The following NDUFA10 variants were observed in gnomAD, a reference collection of about 807,000 sequenced individuals.
NDUFA10 encodes NADH:ubiquinone oxidoreductase subunit A10.
A neutral mutation model predicts 47.8 loss-of-function variants in NDUFA10; 40 were observed. The ratio of observed to expected loss-of-function variants is 0.84; its 90% confidence interval spans 0.65 to 1.09. The LOEUF is 1.09. Ranked by LOEUF, NDUFA10 falls within the 50% of genes least tolerant of loss-of-function variation. The pLI is 0.00. For synonymous variants in NDUFA10, 183 were observed against 172.2 expected (o/e 1.06, Z -0.49); for missense variants, 413 against 451.1 (o/e 0.92, Z 0.76).
intron 5 of NDUFA10, chr2:240,011,924 T>G (rs147906196): frequency 2.7e-4 from 151 of 563,862 alleles, no homozygotes; most frequent in African/African-American, 2.6e-3. Context: ...ATAGCGTGAC[T>G]TTCTCCACAC....
At chr2:239,940,860 A>G (rs1189880811) in intron 4 of NDUFA10, among the ~76,000 whole-genome samples, 2 of 152,262 alleles carry the variant, frequency 1.3e-5, no homozygotes, top group Admixed American at 6.5e-5. Context: ...TTGTACTGCT[A>G]TCAGTGACCT....
rs149226279 is a variant in NDUFA10, at chr2:239,965,662, T to C, written c.1000-4476A>G. ...GATGCAAAGGGCATGCGGTGAACTA[T>C]CTCAGGTGAACTATCAAGGCCGTAC... is the stretch of plus-strand genomic sequence containing the variant. On this transcript the variant is annotated intron_variant, in intron 9 of 9. Transcript: ENST00000252711. Among the ~76,000 whole-genome samples the C allele has an allele frequency of 2.7e-3, 412 of 152,276 alleles. 1 individual carries two copies. The highest frequency in any genetic ancestry group is 4.9e-3 in the Non-Finnish European group (336 of 68,024).
chr2:239,943,282 G>A (rs74833011), intron 4 of NDUFA10, among the ~76,000 whole-genome samples: 5,396 of 152,346 alleles, frequency 0.035, 144 homozygotes, highest in African/African-American at 0.07. Context: ...ACACGAATCT[G>A]CCTTCTGCTC....
At chr2:240,006,759 A>G (rs147224965) in intron 7 of NDUFA10, among the ~76,000 whole-genome samples, 3 of 152,342 alleles carry the variant, frequency 2.0e-5, no homozygotes, top group South Asian at 2.1e-4. Context: ...AGGTGCATAC[A>G]TGTTTCTGGA....
chr2:239,946,353 T>G (rs1694452544), intron 4 of NDUFA10, among the ~76,000 whole-genome samples: 1 of 151,278 alleles, frequency 6.6e-6, no homozygotes, highest in Non-Finnish European at 1.5e-5. Flanking sequence ...GGGTAGTGTG[T>G]TACTAGGGGA....
chr2:239,997,575 T>C (rs964169334), intron 8 of NDUFA10, among the ~76,000 whole-genome samples: 1 of 152,222 alleles, frequency 6.6e-6, no homozygotes, highest in Non-Finnish European at 1.5e-5. Flanking sequence ...TAAAATGCGT[T>C]CATATACTCT....
intron 4 of NDUFA10, among the ~76,000 whole-genome samples, chr2:239,905,068 T>C (rs1693622369): frequency 2.0e-5 from 3 of 152,214 alleles, no homozygotes. Flanking sequence ...TAAGTTCCCA[T>C]TCACAAGCTC....
intron 5 of NDUFA10, chr2:240,012,973 T>C (rs959448372): frequency 6.6e-6 from 1 of 152,218 alleles, no homozygotes; most frequent in East Asian, 1.9e-4. Context: ...AGAGGTGATA[T>C]GATTCTAAAT....
In NDUFA10 at chr2:239,959,187, G is replaced by A; in HGVS notation, c.*1931C>T. On this transcript the variant is annotated 3_prime_UTR_variant, in exon 10 of 10. Coordinates refer to ENST00000252711, the MANE Select transcript of NDUFA10 (RefSeq NM_004544.4). ...TCCATCAAGGGAATGCAACCACACA[G>A]GGTCAGACGCAAACACAGGGGATGA... 4 of 982,362 alleles carry A rather than the reference G, an allele frequency of 4.1e-6. No individual in the cohort carries two copies. The highest frequency in any genetic ancestry group is 4.8e-6 in the Non-Finnish European group (4 of 828,292). The allele number at this position is 982,362 out of a possible 1,614,324, so 60.9% of individuals were successfully genotyped here.
At chr2:239,965,696 T>G (rs1695031365) in intron 9 of NDUFA10, among the ~76,000 whole-genome samples, 1 of 152,218 alleles carries the variant, frequency 6.6e-6, no homozygotes, top group South Asian at 2.1e-4. Flanking sequence ...ACACCCACTT[T>G]AAAATGAAAA....
downstream of NDUFA10, among the ~76,000 whole-genome samples, chr2:239,954,007 A>G (rs1694606528): frequency 6.6e-6 from 1 of 150,510 alleles, no homozygotes; most frequent in South Asian, 2.1e-4. Flanking sequence ...CCCTGCCGGG[A>G]CCGCTGAGTG....
rs1269817518 is a variant in NDUFA10 at position 240,016,491 on chromosome 2, C to CA, written c.548-1632dup. Among the ~76,000 whole-genome samples, 1 of 151,954 alleles carries CA rather than the reference C, an allele frequency of 6.6e-6. No homozygotes were observed. The highest frequency in any genetic ancestry group is 1.5e-5 in the Non-Finnish European group (1 of 67,980). On this transcript the variant is annotated intron_variant, in intron 4 of 9. Coordinates refer to ENST00000252711, the MANE Select transcript of NDUFA10 (RefSeq NM_004544.4). The surrounding 1 kb of genome is among the most constrained non-coding windows in gnomAD (Gnocchi z 4.4). ...ATCTGCTTTCCCCCAGCCCAGCACT[C>CA]AAACGACTCTGGCTAACATCACCAG...
downstream of NDUFA10, among the ~76,000 whole-genome samples, chr2:239,957,212 TCTCA>T (rs569811728): frequency 1.8e-4 from 28 of 152,278 alleles, no homozygotes; most frequent in Non-Finnish European, 3.7e-4. Flanking sequence ...GCATTTCTGC[TCTCA>T]CTGCCACGTG....
At chr2:239,940,024 G>A (rs1223058142) in intron 4 of NDUFA10, among the ~76,000 whole-genome samples, 1 of 152,194 alleles carries the variant, frequency 6.6e-6, no homozygotes, top group Non-Finnish European at 1.5e-5. Flanking sequence ...GTGACTTGGG[G>A]GTAGGCTCTG....
chr2:239,951,037 G>A (rs1232301542), intron 4 of NDUFA10, among the ~76,000 whole-genome samples: 1 of 152,156 alleles, frequency 6.6e-6, no homozygotes, highest in East Asian at 1.9e-4. Flanking sequence ...AGTGCAGAAG[G>A]GCCCTGCTTC....
intron 9 of NDUFA10, among the ~76,000 whole-genome samples, chr2:239,972,137 ATGTGTGTGTGTG>A (rs4149568): frequency 0.028 from 4,162 of 150,580 alleles, 201 homozygotes; most frequent in African/African-American, 0.095. Context: ...TTCATGAAGG[ATGTGTGTGTGTG>A]TGTGTGTGTG....
At chr2:240,005,097 G>T in intron 8 of NDUFA10, 113 bp downstream of exon 8, 1 of 912,386 alleles carries the variant, frequency 1.1e-6, no homozygotes, top group Middle Eastern at 2.3e-4. Context: ...CTAAGTATTG[G>T]GTTGGTGCTG....
Position 240,007,417 on chromosome 2 carries a change from G to C in NDUFA10, c.750-47C>G, listed in dbSNP as rs767095676. 12 of 1,324,768 alleles carry C rather than the reference G, an allele frequency of 9.1e-6. No individual in the cohort carries two copies. In the South Asian group the frequency reaches 1.4e-4, roughly 16 times the overall value. The allele number at this position is 1,324,768 out of a possible 1,614,324, so 82.1% of individuals were successfully genotyped here. On this transcript the variant is annotated intron_variant, in intron 6 of 9. Transcript: ENST00000252711. ...AATTCAGTGTAAACTTTTCCAAGCTGAAGTTAAATGTACAAATGAATACAT... is the reference window on the plus strand; with the variant it reads ...AATTCAGTGTAAACTTTTCCAAGCTCAAGTTAAATGTACAAATGAATACAT...
intron 9 of NDUFA10, chr2:239,983,752 G>A (rs1269586143): frequency 4.5e-6 from 7 of 1,545,026 alleles, no homozygotes; most frequent in Admixed American, 2.0e-5. Context: ...AACTGAGGGA[G>A]AGTCTACAAA....
Sources: gnomAD v4.1 joint callset for allele counts (sites outside exome capture counted in the v4.1 genomes callset) on GRCh38, gnomAD v4.1.1 for gene constraint, Gnocchi (gnomAD v3.1) non-coding constraint, MANE v1.5 for transcripts, NCBI Gene and HGNC (gene_info 2026-07-23, HGNC 2026-07-21) for gene names.